Variants in SLC25A21 observed in about 807,000 individuals in gnomAD.
SLC25A21 encodes mitochondrial 2-oxodicarboxylate carrier.
SLC25A21 carries 47 observed loss-of-function variants against 43.8 expected under a neutral mutation model. That is an observed-to-expected ratio of 1.07 (90% CI 0.85 to 1.37). The LOEUF is 1.37. Among genes scored for constraint, SLC25A21 ranks in the 40% most tolerant of loss-of-function variants. The pLI is 0.00. For missense variants in SLC25A21, 352 were observed against 350.2 expected (o/e 1.00, Z -0.04); for synonymous variants, 131 against 121.3 (o/e 1.08, Z -0.52).
intron 3 of SLC25A21, among the ~76,000 whole-genome samples, chr14:36,751,329 C>T (rs1402436817): frequency 6.6e-6 from 1 of 152,144 alleles, no homozygotes; most frequent in Admixed American, 6.5e-5. Flanking sequence ...CAGGACCACA[C>T]CTAAGGCTGT....
At chr14:37,029,184 G>C (rs896951910) in intron 1 of SLC25A21, among the ~76,000 whole-genome samples, 2 of 152,188 alleles carry the variant, frequency 1.3e-5, no homozygotes, top group African/African-American at 2.4e-5. Flanking sequence ...AAGGATTAGA[G>C]AGGAACTCAA....
At chr14:36,873,486 G>A (rs909800153) in intron 2 of SLC25A21, among the ~76,000 whole-genome samples, 4 of 151,996 alleles carry the variant, frequency 2.6e-5, no homozygotes, top group African/African-American at 7.2e-5. Context: ...AGTAGAGACG[G>A]GGTTTCACCA....
intron 1 of SLC25A21, among the ~76,000 whole-genome samples, chr14:36,989,357 G>A (rs566055338): frequency 2.4e-4 from 37 of 152,276 alleles, no homozygotes; most frequent in Non-Finnish European, 3.8e-4. Context: ...ATATTGCCAT[G>A]AACTTTGGGA....
At chr14:37,073,944 C>T (rs1049330634) in intron 1 of SLC25A21, among the ~76,000 whole-genome samples, 1 of 149,662 alleles carries the variant, frequency 6.7e-6, no homozygotes, top group African/African-American at 2.5e-5. Context: ...AAAAAAAAAT[C>T]ATTTTGTGCA....
chr14:37,080,051 T>C (rs1262900761), intron 1 of SLC25A21, among the ~76,000 whole-genome samples: 1 of 152,160 alleles, frequency 6.6e-6, no homozygotes, highest in Non-Finnish European at 1.5e-5. Context: ...ACACCAAAAC[T>C]GTCAGTGATC....
chr14:37,144,928 GTT>G (rs1963635980), intron 1 of SLC25A21, among the ~76,000 whole-genome samples: 9 of 144,030 alleles, frequency 6.2e-5, no homozygotes, highest in African/African-American at 1.4e-4. Context: ...CTGGGTGGTT[GTT>G]GTTGTTGTTG....
chr14:37,081,677 T>C (rs929520119), intron 1 of SLC25A21, among the ~76,000 whole-genome samples: 2 of 152,218 alleles, frequency 1.3e-5, no homozygotes, highest in African/African-American at 2.4e-5. Flanking sequence ...ATAGTAACAA[T>C]TAGGAATTAA....
At chr14:36,988,427 G>C (rs1356151629) in intron 1 of SLC25A21, among the ~76,000 whole-genome samples, 1 of 152,166 alleles carries the variant, frequency 6.6e-6, no homozygotes, top group Non-Finnish European at 1.5e-5. Context: ...TTGCATGGTT[G>C]TAATCTTGCA....
intron 1 of SLC25A21, among the ~76,000 whole-genome samples, chr14:37,100,568 T>C (rs1962798009): frequency 6.6e-6 from 1 of 152,206 alleles, no homozygotes; most frequent in South Asian, 2.1e-4. Flanking sequence ...CATTGGTTCA[T>C]TCAAATTAAT....
intron 3 of SLC25A21, among the ~76,000 whole-genome samples, chr14:36,746,627 T>A (rs909978587): frequency 1.3e-5 from 2 of 152,236 alleles, no homozygotes; most frequent in African/African-American, 2.4e-5. Context: ...AGACAGCTCA[T>A]TGATAAATAA....
At chr14:36,847,021 A>G (rs1302855322) in intron 2 of SLC25A21, among the ~76,000 whole-genome samples, 10 of 152,116 alleles carry the variant, frequency 6.6e-5, no homozygotes, top group Non-Finnish European at 1.0e-4. Flanking sequence ...TCTTTATTCT[A>G]CTCAATGTGA....
At chr14:36,965,802 AG>A (rs1335085277) in intron 1 of SLC25A21, among the ~76,000 whole-genome samples, 1 of 152,208 alleles carries the variant, frequency 6.6e-6, no homozygotes, top group Non-Finnish European at 1.5e-5. Context: ...TAATCATCTG[AG>A]AACAGTTTGT....
At chr14:36,682,044 G>A (rs17105005) in intron 9 of SLC25A21, among the ~76,000 whole-genome samples, 7,215 of 152,240 alleles carry the variant, frequency 0.047, 374 homozygotes, top group East Asian at 0.3. Context: ...TTCATGGAAG[G>A]TACCTGATTG....
intron 1 of SLC25A21, among the ~76,000 whole-genome samples, chr14:37,026,196 G>T (rs778437093): frequency 2.6e-5 from 4 of 152,060 alleles, no homozygotes; most frequent in South Asian, 2.1e-4. Context: ...CACACCACCA[G>T]ATATAATTTT....
chr14:36,793,920 GAAA>G (rs57263212), intron 3 of SLC25A21, among the ~76,000 whole-genome samples: 155 of 111,538 alleles, frequency 1.4e-3, no homozygotes, highest in Middle Eastern at 9.4e-3. Context: ...TGCAGATCAG[GAAA>G]AAAAAAAAAA....
At chr14:36,822,848 C>T (rs1168314317) in intron 2 of SLC25A21, among the ~76,000 whole-genome samples, 1 of 152,194 alleles carries the variant, frequency 6.6e-6, no homozygotes, top group East Asian at 1.9e-4. Context: ...TGTCTGTACA[C>T]TTTACAATTC....
At chr14:36,851,387 T>C (rs540070797) in intron 2 of SLC25A21, among the ~76,000 whole-genome samples, 1 of 152,182 alleles carries the variant, frequency 6.6e-6, no homozygotes. Context: ...GCTAACAAGT[T>C]GATACACATG....
intron 1 of SLC25A21, among the ~76,000 whole-genome samples, chr14:36,900,359 G>T (rs1399986526): frequency 6.6e-6 from 1 of 152,066 alleles, no homozygotes; most frequent in Admixed American, 6.6e-5. Flanking sequence ...GTGTACTCCT[G>T]TATGGAGGAC....
At chr14:36,885,218 CTG>C in intron 1 of SLC25A21, among the ~76,000 whole-genome samples, 1 of 152,282 alleles carries the variant, frequency 6.6e-6, no homozygotes, top group Non-Finnish European at 1.5e-5. Flanking sequence ...ATTGAAGAGA[CTG>C]TGCTTTTTCC....
Sources: allele counts gnomAD v4.1 joint callset (sites outside exome capture counted in the v4.1 genomes callset), GRCh38; gene constraint gnomAD v4.1.1; transcripts MANE v1.5; gene names NCBI Gene and HGNC (gene_info 2026-07-23, HGNC 2026-07-21).